ACAP2: variants seen among roughly 807,000 people sequenced by gnomAD.
ACAP2 encodes ArfGAP with coiled-coil, ankyrin repeat and PH domains 2.
ACAP2 carries 39 observed loss-of-function variants against 115.8 expected under a neutral mutation model. The ratio of observed to expected loss-of-function variants is 0.34; its 90% CI spans 0.26 to 0.44. The LOEUF (loss-of-function observed/expected upper bound fraction) is 0.44. ACAP2 is among the 20% of genes least tolerant of loss of function. ACAP2 has a pLI of 1.00. For missense variants in ACAP2, 662 were observed against 927.6 expected (o/e 0.71, Z 3.72); for synonymous variants, 289 against 315.8 (o/e 0.92, Z 0.90).
At chr3:195,343,943 G>A (rs1731033454) in intron 5 of ACAP2, among the ~76,000 whole-genome samples, 1 of 152,142 alleles carries the variant, frequency 6.6e-6, no homozygotes, top group African/African-American at 2.4e-5. Flanking sequence ...AATTTGGTTG[G>A]GTGCCTGTAA....
At chr3:195,280,096 T>A (rs991098613) in intron 22 of ACAP2, among the ~76,000 whole-genome samples, 1 of 151,968 alleles carries the variant, frequency 6.6e-6, no homozygotes, top group Non-Finnish European at 1.5e-5. Context: ...GGGGGGAGAA[T>A]TGGTTGAGGC....
intron 4 of ACAP2, among the ~76,000 whole-genome samples, chr3:195,348,102 C>A (rs1229649474): frequency 6.7e-6 from 1 of 150,310 alleles, no homozygotes; most frequent in Non-Finnish European, 1.5e-5. Flanking sequence ...AAGAAATGTT[C>A]TTTTGTCTAT....
At chr3:195,442,011 G>A (rs1283986342) in intron 1 of ACAP2, 1 of 152,442 alleles carries the variant, frequency 6.6e-6, no homozygotes, top group Non-Finnish European at 1.5e-5. Context: ...GGAACACACA[G>A]GCAATCTTCA....
rs575194426 is a variant in ACAP2, at chr3:195,416,773, T to A, written c.54-24626A>T. Among the ~76,000 whole-genome samples the A allele has an allele frequency of 2.0e-5, 3 of 152,334 alleles. No homozygotes were observed. In the South Asian group the frequency reaches 6.2e-4, roughly 32 times the overall value. Reference sequence around the variant, plus strand: ...AAACTAAAGGAATGTGTCAATTTGGTTGAATCTCACAACACTAGAAGAACA... The same window carrying A: ...AAACTAAAGGAATGTGTCAATTTGGATGAATCTCACAACACTAGAAGAACA... On this transcript the variant is annotated intron_variant, in intron 1 of 22. Coordinates refer to ENST00000326793, the MANE Select transcript of ACAP2 (RefSeq NM_012287.6).
Position 195,326,875 on chromosome 3 carries a change from C to A in ACAP2, c.744+10G>T. 1 of 1,613,430 alleles carries A rather than the reference C, an allele frequency of 6.2e-7. No individual in the cohort carries two copies. ...AGTGGAATTAATTTTTAATTTTTCCCCTGAGGTACCTTTTGTTGAATGGTG... is the reference window on the plus strand; with the variant it reads ...AGTGGAATTAATTTTTAATTTTTCCACTGAGGTACCTTTTGTTGAATGGTG... On this transcript the variant is annotated intron_variant, in intron 9 of 22. Coordinates refer to ENST00000326793, the MANE Select transcript of ACAP2 (RefSeq NM_012287.6).
intron 12 of ACAP2, 96 bp from the exon 13 acceptor site, chr3:195,306,712 T>G (rs1577270018): frequency 1.2e-6 from 1 of 859,028 alleles, no homozygotes; most frequent in East Asian, 2.8e-5. Context: ...ATTTAATAAT[T>G]TTCTAGCCAA....
rs1020891044 is a variant in ACAP2 at position 195,395,046 on chromosome 3, A to T, written c.54-2899T>A. 5.4e-5 allele frequency among the ~76,000 whole-genome samples: 8 copies of T among 149,090 alleles called. 1 individual carries two copies. The highest frequency in any genetic ancestry group is 2.1e-4 in the African/African-American group (8 of 38,704). ...ATGAATAGATGACTTCTATTCATTG[A>T]GATAGAACCATTCTGGGACATATGT... On this transcript the variant is annotated intron_variant, in intron 1 of 22. Transcript: ENST00000326793.
chr3:195,311,084 G>T (rs368631671), intron 10 of ACAP2, among the ~76,000 whole-genome samples: 6 of 122,618 alleles, frequency 4.9e-5, no homozygotes, highest in South Asian at 3.0e-4. Context: ...TTTCATTGTG[G>T]TTTTTTTGTT....
intron 2 of ACAP2, among the ~76,000 whole-genome samples, chr3:195,386,092 A>G (rs1156243829): frequency 6.6e-6 from 1 of 152,232 alleles, no homozygotes; most frequent in Non-Finnish European, 1.5e-5. Flanking sequence ...ATGCTACAAC[A>G]TGGATGACTC....
chr3:195,344,894 A>G (rs1731101918), intron 5 of ACAP2, among the ~76,000 whole-genome samples: 1 of 152,228 alleles, frequency 6.6e-6, no homozygotes, highest in African/African-American at 2.4e-5. Context: ...CCACATTGAA[A>G]CAATGGAAAA....
At chr3:195,310,532 T>C (rs1246899377) in intron 10 of ACAP2, among the ~76,000 whole-genome samples, 1 of 152,244 alleles carries the variant, frequency 6.6e-6, no homozygotes, top group Non-Finnish European at 1.5e-5. Context: ...ACTGTAGTCA[T>C]ACAAAATCAT....
At chr3:195,424,224 A>G (rs1264034760) in intron 1 of ACAP2, among the ~76,000 whole-genome samples, 7 of 113,268 alleles carry the variant, frequency 6.2e-5, no homozygotes, top group East Asian at 4.8e-4. Flanking sequence ...GAATGGTCAT[A>G]TGTGTGTGTG....
intron 1 of ACAP2, among the ~76,000 whole-genome samples, chr3:195,423,137 T>C (rs1714319660): frequency 6.6e-6 from 1 of 151,938 alleles, no homozygotes. Flanking sequence ...GAGCTGCAGG[T>C]CAAACTTTCA....
rs1726139264 is a variant in ACAP2, at chr3:195,274,861, T to C, written c.*4467A>G. 6.6e-6 allele frequency: 1 copy of C among 152,628 alleles called. No individual in the cohort carries two copies. Among genetic ancestry groups the C allele is most frequent in the African/African-American group, 2.4e-5 (1 of 41,452 alleles). The allele number at this position is 152,628 out of a possible 1,614,324, so 9.5% of individuals were successfully genotyped here. A position where few individuals can be genotyped will look rare whatever the true frequency, so the allele number is the denominator to read the frequency against. The stretch of plus-strand genomic sequence containing the variant: ...TTAGAAGATAATGTACTTTGCTCCA[T>C]TTACAATGACAAACTACTGTAAAAC... On this transcript the variant is annotated 3_prime_UTR_variant, in exon 23 of 23. Coordinates refer to ENST00000326793, the MANE Select transcript of ACAP2 (RefSeq NM_012287.6).
intron 21 of ACAP2, among the ~76,000 whole-genome samples, chr3:195,288,208 A>T (rs552564312): frequency 6.6e-6 from 1 of 152,288 alleles, no homozygotes; most frequent in South Asian, 2.1e-4. Flanking sequence ...CTTTAGGGCC[A>T]CAATTCTTGG....
chr3:195,436,544 C>T (rs1715555485), intron 1 of ACAP2, among the ~76,000 whole-genome samples: 1 of 152,152 alleles, frequency 6.6e-6, no homozygotes, highest in Non-Finnish European at 1.5e-5. Context: ...TTGTCTTTTA[C>T]TTTCAACCTA....
chr3:195,318,701 C>T (rs1729248893), intron 10 of ACAP2, among the ~76,000 whole-genome samples: 1 of 151,924 alleles, frequency 6.6e-6, no homozygotes, highest in Admixed American at 6.6e-5. Context: ...TATGCGTTCA[C>T]AAAGAAAAGA....
intron 1 of ACAP2, among the ~76,000 whole-genome samples, chr3:195,397,221 G>T (rs1207743855): frequency 6.6e-6 from 1 of 152,092 alleles, no homozygotes; most frequent in Non-Finnish European, 1.5e-5. Context: ...ATATGTATGT[G>T]TCCATCATAG....
At chr3:195,369,956 T>C (rs1270497303) in intron 4 of ACAP2, among the ~76,000 whole-genome samples, 1 of 152,224 alleles carries the variant, frequency 6.6e-6, no homozygotes, top group East Asian at 1.9e-4. Flanking sequence ...CTATTCTGAC[T>C]GGTGTGAGAT....
Sources: allele counts gnomAD v4.1 joint callset (sites outside exome capture counted in the v4.1 genomes callset), GRCh38; gene constraint gnomAD v4.1.1; transcripts MANE v1.5; gene names NCBI Gene and HGNC (gene_info 2026-07-23, HGNC 2026-07-21).